Variants in CCSER1 observed in about 807,000 individuals in gnomAD.
CCSER1 encodes the protein serine-rich coiled-coil domain-containing protein 1.
In CCSER1, 41 loss-of-function variants were observed where a neutral mutation model predicts 82.0. The observed-to-expected ratio is 0.50, with a 90% CI of 0.39 to 0.65. CCSER1 has a LOEUF of 0.65. Among genes scored for constraint, CCSER1 ranks in the 30% least tolerant of loss-of-function variants. The pLI, the probability that CCSER1 is intolerant of heterozygous loss-of-function variation, is 0.00. For missense variants in CCSER1, 1,119 were observed against 1,064.2 expected (o/e 1.05, Z -0.72); for synonymous variants, 414 against 383.9 (o/e 1.08, Z -0.92).
At chr4:91,528,547 G>C (rs1457027542) in intron 10 of CCSER1, among the ~76,000 whole-genome samples, 10 of 152,090 alleles carry the variant, frequency 6.6e-5, no homozygotes, top group African/African-American at 1.7e-4. Context: ...TTAGGTTAAG[G>C]TGGTTCTGTT....
At chr4:91,219,308 C>CTTTTTTTTTT (rs59884169) in intron 10 of CCSER1, among the ~76,000 whole-genome samples, 2 of 99,896 alleles carry the variant, frequency 2.0e-5, no homozygotes, top group Non-Finnish European at 1.9e-5. Flanking sequence ...TACAGTTTGG[C>CTTTTTTTTTT]TTTTTTTTTT....
rs568110775 is a variant in CCSER1 at position 91,487,214 on chromosome 4, C to T, written c.2218-111358C>T. ...GTAGCATTATGGTTTCAATTAGAGT[C>T]GAAATTTAAGTTCTTCCTTTCAACT... On this transcript the variant is annotated intron_variant, in intron 10 of 10. Coordinates refer to ENST00000509176, the MANE Select transcript of CCSER1 (RefSeq NM_001145065.2). Among the ~76,000 whole-genome samples the T allele has an allele frequency of 1.4e-4, 22 of 152,130 alleles. No individual in the cohort carries two copies. In the South Asian group the frequency reaches 1.9e-3, roughly 13 times the overall value.
chr4:90,246,509 T>C (rs1721429550), intron 1 of CCSER1, among the ~76,000 whole-genome samples: 1 of 152,144 alleles, frequency 6.6e-6, no homozygotes, highest in African/African-American at 2.4e-5. Context: ...GTAAACCCAG[T>C]CCAACAAGAA....
In CCSER1 at chr4:90,969,905, C is replaced by A. The variant is rs1734925913; in HGVS notation, c.2172+46458C>A. Among the ~76,000 whole-genome samples the A allele has an allele frequency of 2.6e-5, 4 of 150,976 alleles. No homozygotes were observed. The South Asian group carries it at 8.3e-4, about 31-fold the overall frequency. ...AAGTTATACAATATAAAAAGAAGAA[C>A]CTCTAGCAGATACACATAAGAAATA... is the stretch of plus-strand genomic sequence containing the variant. On this transcript the variant is annotated intron_variant, in intron 9 of 10. Transcript: ENST00000509176.
chr4:91,024,179 C>G (rs992208982), intron 9 of CCSER1, among the ~76,000 whole-genome samples: 4 of 152,128 alleles, frequency 2.6e-5, no homozygotes, highest in African/African-American at 9.7e-5. Context: ...AACCCCCCAC[C>G]TCTCAATACT....
At chr4:91,330,990 T>TA (rs1301666497) in intron 10 of CCSER1, among the ~76,000 whole-genome samples, 2 of 152,182 alleles carry the variant, frequency 1.3e-5, no homozygotes, top group African/African-American at 4.8e-5. Flanking sequence ...ATTCATAACT[T>TA]ATAGGCTAAC....
chr4:90,230,513 G>A (rs1475837056), intron 1 of CCSER1, among the ~76,000 whole-genome samples: 2 of 151,512 alleles, frequency 1.3e-5, no homozygotes, highest in African/African-American at 2.4e-5. Context: ...CCCACAAGAG[G>A]AAGCAGGAAA....
intron 3 of CCSER1, among the ~76,000 whole-genome samples, chr4:90,388,446 A>G (rs1750431258): frequency 6.6e-6 from 1 of 151,816 alleles, no homozygotes; most frequent in Non-Finnish European, 1.5e-5. Context: ...AGTAGCTGGT[A>G]TTACAGGTGC....
chr4:90,462,012 A>G (rs1762986993), intron 4 of CCSER1, among the ~76,000 whole-genome samples: 1 of 152,190 alleles, frequency 6.6e-6, no homozygotes. Flanking sequence ...TGTGCTATTT[A>G]CAGTCATGAT....
chr4:91,148,851 A>G (rs1337575820), intron 10 of CCSER1, among the ~76,000 whole-genome samples: 4 of 152,178 alleles, frequency 2.6e-5, no homozygotes, highest in African/African-American at 4.8e-5. Context: ...TCCATGGTGC[A>G]TATGTGCCAC....
At chr4:90,181,225 GA>G (rs1038645014) in intron 1 of CCSER1, among the ~76,000 whole-genome samples, 4 of 151,434 alleles carry the variant, frequency 2.6e-5, no homozygotes, top group South Asian at 4.2e-4. Flanking sequence ...GAAATTGGAA[GA>G]AAAAAAAGGA....
chr4:91,317,443 TTC>T (rs1560585776), intron 10 of CCSER1, among the ~76,000 whole-genome samples: 1 of 151,950 alleles, frequency 6.6e-6, no homozygotes, highest in Non-Finnish European at 1.5e-5. Flanking sequence ...ACCCTCCCCA[TTC>T]TCTTTCACCT....
At chr4:91,166,651 C>T (rs1732111770) in intron 10 of CCSER1, among the ~76,000 whole-genome samples, 1 of 152,128 alleles carries the variant, frequency 6.6e-6, no homozygotes, top group African/African-American at 2.4e-5. Context: ...ACTTTTTCCT[C>T]TCTTTATTTT....
At chr4:91,046,593 C>T (rs1444942095) in intron 9 of CCSER1, among the ~76,000 whole-genome samples, 1 of 152,136 alleles carries the variant, frequency 6.6e-6, no homozygotes, top group Non-Finnish European at 1.5e-5. Flanking sequence ...CTCATTCACA[C>T]TATGGATGAA....
At chr4:90,813,180 A>G (rs66507946) in intron 7 of CCSER1, among the ~76,000 whole-genome samples, 50,839 of 152,168 alleles carry the variant, frequency 0.33, 8,644 homozygotes, top group East Asian at 0.42. Flanking sequence ...CCAAGCTACA[A>G]TGGAGGTACA....
intron 9 of CCSER1, among the ~76,000 whole-genome samples, chr4:91,043,552 A>C (rs777455451): frequency 1.1e-3 from 160 of 152,084 alleles, no homozygotes; most frequent in Middle Eastern, 3.4e-3. Flanking sequence ...ACCTGAAAAA[A>C]ACAAGGATAA....
chr4:90,835,373 A>G (rs1440894438), intron 8 of CCSER1, among the ~76,000 whole-genome samples: 1 of 152,170 alleles, frequency 6.6e-6, no homozygotes, highest in Non-Finnish European at 1.5e-5. Context: ...AAATAATTTT[A>G]CCTTTTTCCA....
At chr4:90,162,301 G>T (rs1245703082) in intron 1 of CCSER1, among the ~76,000 whole-genome samples, 1 of 152,006 alleles carries the variant, frequency 6.6e-6, no homozygotes, top group Non-Finnish European at 1.5e-5. Flanking sequence ...TGTTTTACAT[G>T]CTCTGATCAC....
At chr4:91,270,800 G>A (rs1197455355) in intron 10 of CCSER1, among the ~76,000 whole-genome samples, 2 of 152,092 alleles carry the variant, frequency 1.3e-5, no homozygotes, top group Non-Finnish European at 2.9e-5. Context: ...TATATAGTAT[G>A]GAGATAATAT....
Sources: gnomAD v4.1 joint callset for allele counts (sites outside exome capture counted in the v4.1 genomes callset) on GRCh38, gnomAD v4.1.1 for gene constraint, MANE v1.5 for transcripts, NCBI Gene and HGNC (gene_info 2026-07-23, HGNC 2026-07-21) for gene names.